The following UCN3 variants were observed in gnomAD, a reference collection of about 807,000 sequenced individuals.
The protein encoded by UCN3 is urocortin 3.
A neutral mutation model predicts 3.6 loss-of-function variants in UCN3; 3 were observed. The ratio of observed to expected loss-of-function variants is 0.83; its 90% confidence interval spans 0.38 to 2.15. The LOEUF is 2.15. Among genes scored for constraint, UCN3 ranks in the 30% most tolerant of loss-of-function variants. The probability of loss-of-function intolerance (pLI) is 0.06; values close to 1 mark genes in which losing one functional copy is unlikely to be tolerated. For missense variants in UCN3, 206 were observed against 208.3 expected (o/e 0.99, Z 0.07); for synonymous variants, 100 against 93.2 (o/e 1.07, Z -0.42).
chr10:5,372,343 G>A (rs1165914511), intron 1 of UCN3, among the ~76,000 whole-genome samples: 1 of 152,194 alleles, frequency 6.6e-6, no homozygotes, highest in Non-Finnish European at 1.5e-5. Context: ...CTGCTACTGT[G>A]AAGGAGCCCG....
rs371942345 is a variant in UCN3 at position 5,370,932 on chromosome 10, T to C, written c.-6-2783T>C. Among the ~76,000 whole-genome samples the C allele has an allele frequency of 4.6e-3, 548 of 119,114 alleles. 18 individuals carry two copies. Among genetic ancestry groups the C allele is most frequent in the African/African-American group, 9.1e-3 (272 of 29,728 alleles). The allele number at this position is 119,114 out of a possible 152,430, so 78.1% of individuals were successfully genotyped here. On this transcript the variant is annotated intron_variant, in intron 1 of 1. Transcript: ENST00000380433. The stretch of plus-strand genomic sequence containing the variant: ...GCGTGTGTATATGCGTGTGTATATG[T>C]GTGTTCATGTGTATGTGTGTAAGGT...
chr10:5,367,909 G>T lies in UCN3; in HGVS notation c.-7+2679G>T, dbSNP rs1834131295. On this transcript the variant is annotated intron_variant, in intron 1 of 1. Transcript: ENST00000380433. The surrounding 1 kb of genome is among the most constrained non-coding windows in gnomAD (Gnocchi z 4.3). ...AGTGAGGAAGCAAAATAAACAAATG[G>T]GGTGGTGGGGCAGTGGGGAGAGAGC... Among the ~76,000 whole-genome samples, 1 of 152,150 alleles carries T rather than the reference G, an allele frequency of 6.6e-6. No individual in the cohort carries two copies. The highest frequency in any genetic ancestry group is 6.5e-5 in the Admixed American group (1 of 15,276).
In UCN3 at chr10:5,366,746, A is replaced by G. The variant is rs1359898242; in HGVS notation, c.-7+1516A>G. 1.3e-5 allele frequency among the ~76,000 whole-genome samples: 2 copies of G among 152,180 alleles called. No homozygotes were observed. Among genetic ancestry groups the G allele is most frequent in the Non-Finnish European group, 2.9e-5 (2 of 68,032 alleles). On this transcript the variant is annotated intron_variant, in intron 1 of 1. Coordinates refer to ENST00000380433, the MANE Select transcript of UCN3 (RefSeq NM_053049.4). The surrounding 1 kb of genome is among the most constrained non-coding windows in gnomAD (Gnocchi z 4.2). The stretch of plus-strand genomic sequence containing the variant: ...GGCGTCCCTATCATGTCCAATTCAC[A>G]GTTCTGGGAGGTTCCTTTGCTGTGT...
At position 5,370,000 on chromosome 10, in the gene UCN3, T is replaced by C. The variant is rs1344187913; in HGVS notation, c.-6-3715T>C. ...ATGCGTGTGTATATGTGTGTATGTG[T>C]GTGTGTATGTGTGTGTATATGTGTG... On this transcript the variant is annotated intron_variant, in intron 1 of 1. Transcript: ENST00000380433. Among the ~76,000 whole-genome samples the C allele has an allele frequency of 4.0e-4, 23 of 57,984 alleles. 2 individuals are homozygous for C. The highest frequency in any genetic ancestry group is 6.0e-4 in the Non-Finnish European group (16 of 26,662). The allele number at this position is 57,984 out of a possible 152,430, so 38.0% of individuals were successfully genotyped here.
chr10:5,365,552 G>C lies in UCN3; in HGVS notation c.-7+322G>C, dbSNP rs1834108051. On this transcript the variant is annotated intron_variant, in intron 1 of 1. Transcript: ENST00000380433. This position sits in a 1 kb window ranked among gnomAD's most constrained non-coding sequence, Gnocchi z 4.4. ...ACAGAGCACAGCTGTGCACAGGAAA[G>C]TCAGTCCTCGGAGACAGTTTACAAA... Among the ~76,000 whole-genome samples the C allele has an allele frequency of 6.6e-6, 1 of 152,238 alleles. No individual in the cohort carries two copies. The highest frequency in any genetic ancestry group is 6.5e-5 in the Admixed American group (1 of 15,288).
chr10:5,370,766 C>CGTGT (rs1232736605), intron 1 of UCN3, among the ~76,000 whole-genome samples: 1 of 75,484 alleles, frequency 1.3e-5, no homozygotes, highest in African/African-American at 5.9e-5. Flanking sequence ...TGTGTATATG[C>CGTGT]GTGTGTATAT....
chr10:5,370,766 CGTGTGTATATGCGT>C lies in UCN3; in HGVS notation c.-6-2942_-6-2929del, dbSNP rs1391047775. Among the ~76,000 whole-genome samples the C allele has an allele frequency of 4.6e-4, 35 of 75,542 alleles. No homozygotes were observed. The East Asian group carries it at 9.3e-3, about 20-fold the overall frequency. The allele number at this position is 75,542 out of a possible 152,430, so 49.6% of individuals were successfully genotyped here. A position where few individuals can be genotyped will look rare whatever the true frequency, so the allele number is the denominator to read the frequency against. On this transcript the variant is annotated intron_variant, in intron 1 of 1. Transcript: ENST00000380433. Reference sequence around the variant, plus strand: ...TGTGTATATGATGTGTGTGTATATGCGTGTGTATATGCGTGTGTGTGTGTATGCGTGTGTATATG... The same window carrying C: ...TGTGTATATGATGTGTGTGTATATGCGTGTGTGTGTATGCGTGTGTATATG...
At chr10:5,370,819 G>A (rs1554811390) in intron 1 of UCN3, among the ~76,000 whole-genome samples, 27 of 107,466 alleles carry the variant, frequency 2.5e-4, no homozygotes, top group African/African-American at 9.8e-4. Context: ...GTGTGCGTGT[G>A]TGTGCGCGCG....
intron 1 of UCN3, among the ~76,000 whole-genome samples, chr10:5,368,598 T>G (rs1831287182): frequency 6.6e-6 from 1 of 152,114 alleles, no homozygotes; most frequent in Admixed American, 6.5e-5. Context: ...GAGACAAAGT[T>G]TCTCCACCAC....
In UCN3 at chr10:5,371,712, C is replaced by T. The variant is rs563962152; in HGVS notation, c.-6-2003C>T. 1.1e-4 allele frequency among the ~76,000 whole-genome samples: 17 copies of T among 152,252 alleles called. No individual in the cohort carries two copies. In the South Asian group the frequency reaches 1.9e-3, roughly 17 times the overall value. ...GCCTGGCCCTGCTCTGCACTGTCAC[C>T]GCAAGGAACAAAATGACCCAATGCC... On this transcript the variant is annotated intron_variant, in intron 1 of 1. Coordinates refer to ENST00000380433, the MANE Select transcript of UCN3 (RefSeq NM_053049.4).
intron 1 of UCN3, among the ~76,000 whole-genome samples, chr10:5,370,231 GTGTA>G (rs1554811154): frequency 9.9e-6 from 1 of 100,914 alleles, no homozygotes; most frequent in Non-Finnish European, 2.0e-5. Flanking sequence ...ATGTGCGTGT[GTGTA>G]TGCGTGTGTG....
intron 1 of UCN3, among the ~76,000 whole-genome samples, chr10:5,370,155 G>A (rs1168446573): frequency 8.9e-5 from 6 of 67,114 alleles, no homozygotes; most frequent in African/African-American, 1.6e-4. Flanking sequence ...GTGTGTATAT[G>A]TGTGTGTATA....
chr10:5,370,101 G>A (rs1253040606), intron 1 of UCN3, among the ~76,000 whole-genome samples: 1 of 101,276 alleles, frequency 9.9e-6, no homozygotes, highest in African/African-American at 4.2e-5. Flanking sequence ...GTGTGTATAT[G>A]CGTGTGTATA....
rs147777272 is a variant in UCN3, at chr10:5,365,792, G to T, written c.-7+562G>T. 3.8e-3 allele frequency among the ~76,000 whole-genome samples: 580 copies of T among 152,286 alleles called. 11 individuals carry two copies. The South Asian group carries it at 0.046, about 12-fold the overall frequency. ...AATGCAGGTTAAGGGATTCACCCAA[G>T]AAAAGTCAGAGGCAAGGGAGTTTCC... On this transcript the variant is annotated intron_variant, in intron 1 of 1. Coordinates refer to ENST00000380433, the MANE Select transcript of UCN3 (RefSeq NM_053049.4). This position sits in a 1 kb window ranked among gnomAD's most constrained non-coding sequence, Gnocchi z 4.4.
intron 1 of UCN3, among the ~76,000 whole-genome samples, chr10:5,368,407 C>A (rs1192324287): frequency 1.3e-5 from 2 of 152,168 alleles, no homozygotes; most frequent in Admixed American, 1.3e-4. Flanking sequence ...GTAGAGGGAC[C>A]TCTGGCTTTC....
chr10:5,370,540 CGTGTATATGTGTGTATATGT>C (rs1437758162), intron 1 of UCN3, among the ~76,000 whole-genome samples: 26 of 21,164 alleles, frequency 1.2e-3, no homozygotes, highest in Non-Finnish European at 2.2e-3. Context: ...TGTGTATATG[CGTGTATATGTGTGTATATGT>C]GTGTGTATAT....
rs1834117686 is a variant in UCN3 at position 5,366,366 on chromosome 10, T to C, written c.-7+1136T>C. Among the ~76,000 whole-genome samples the C allele has an allele frequency of 1.3e-5, 2 of 151,824 alleles. No homozygotes were observed. The highest frequency in any genetic ancestry group is 2.9e-5 in the Non-Finnish European group (2 of 67,900). ...TGTAGAGCTTTGCCCCTCAAATGTA[T>C]TAATAACTAGATGGTGCCCAGTTAT... On this transcript the variant is annotated intron_variant, in intron 1 of 1. Transcript: ENST00000380433. The surrounding 1 kb of genome is among the most constrained non-coding windows in gnomAD (Gnocchi z 4.2).
rs781975112 is a variant in UCN3, at chr10:5,370,117, GTGTA to G, written c.-6-3594_-6-3591del. 1.6e-3 allele frequency among the ~76,000 whole-genome samples: 151 copies of G among 95,940 alleles called. 24 individuals are homozygous for G. Among genetic ancestry groups the G allele is most frequent in the Admixed American group, 2.3e-3 (21 of 9,050 alleles). The allele number at this position is 95,940 out of a possible 152,430, so 62.9% of individuals were successfully genotyped here. A position where few individuals can be genotyped will look rare whatever the true frequency, so the allele number is the denominator to read the frequency against. The stretch of plus-strand genomic sequence containing the variant: ...TGTGTATATGCGTGTGTATATGTGT[GTGTA>G]TGTGTGTGTATGTGTGTGTATGCGT... On this transcript the variant is annotated intron_variant, in intron 1 of 1. Coordinates refer to ENST00000380433, the MANE Select transcript of UCN3 (RefSeq NM_053049.4).
In UCN3 at chr10:5,366,711, C is replaced by T. The variant is rs1309160620; in HGVS notation, c.-7+1481C>T. On this transcript the variant is annotated intron_variant, in intron 1 of 1. Transcript: ENST00000380433. This position sits in a 1 kb window ranked among gnomAD's most constrained non-coding sequence, Gnocchi z 4.2. ...ACATTTTAAACGATCTAAAACTAAG[C>T]TCAGCACCGGGCGTCCCTATCATGT... Among the ~76,000 whole-genome samples the T allele has an allele frequency of 5.3e-5, 8 of 152,148 alleles. No individual in the cohort carries two copies. The highest frequency in any genetic ancestry group is 1.9e-4 in the African/African-American group (8 of 41,414).
Sources: gnomAD v4.1 joint callset for allele counts (sites outside exome capture counted in the v4.1 genomes callset) on GRCh38, gnomAD v4.1.1 for gene constraint, Gnocchi (gnomAD v3.1) non-coding constraint, MANE v1.5 for transcripts, NCBI Gene and HGNC (gene_info 2026-07-23, HGNC 2026-07-21) for gene names.